The following THSD7A variants were observed in gnomAD, a reference collection of about 807,000 sequenced individuals.
THSD7A encodes the protein thrombospondin type 1 domain containing 7A.
Under a neutral mutation model 231.3 loss-of-function variants are expected in THSD7A, and 96 were observed. The ratio of observed to expected loss-of-function variants is 0.41; its 90% CI spans 0.35 to 0.49. The LOEUF is 0.49. THSD7A is among the 20% of genes least tolerant of loss of function. THSD7A has a pLI of 0.05. For missense variants in THSD7A, 2,290 were observed against 2,070.2 expected (o/e 1.11, Z -2.06); for synonymous variants, 940 against 743.3 (o/e 1.26, Z -4.30).
intron 6 of THSD7A, among the ~76,000 whole-genome samples, chr7:11,535,813 A>G (rs1788893059): frequency 6.6e-6 from 1 of 152,178 alleles, no homozygotes; most frequent in Non-Finnish European, 1.5e-5. Flanking sequence ...TTCCATAGAT[A>G]TTTGAATTGA....
chr7:11,678,535 A>T (rs1481921259), intron 1 of THSD7A, among the ~76,000 whole-genome samples: 1 of 152,192 alleles, frequency 6.6e-6, no homozygotes, highest in East Asian at 1.9e-4. Context: ...ATCCCACAGA[A>T]ATACAAACTA....
At chr7:11,767,463 G>A (rs536794644) in intron 1 of THSD7A, among the ~76,000 whole-genome samples, 1 of 152,112 alleles carries the variant, frequency 6.6e-6, no homozygotes, top group African/African-American at 2.4e-5. Flanking sequence ...TAGTCTAGAT[G>A]TATTAATTCT....
intron 1 of THSD7A, among the ~76,000 whole-genome samples, chr7:11,719,426 T>C (rs1332913992): frequency 1.3e-5 from 2 of 151,728 alleles, no homozygotes; most frequent in Non-Finnish European, 2.9e-5. Flanking sequence ...TTGAAGCTCA[T>C]TATATTTGGA....
intron 1 of THSD7A, among the ~76,000 whole-genome samples, chr7:11,772,000 A>T (rs1189910343): frequency 6.6e-6 from 1 of 152,142 alleles, no homozygotes; most frequent in Admixed American, 6.6e-5. Flanking sequence ...TCAGAAGTGA[A>T]GCAGGTGCCA....
intron 1 of THSD7A, among the ~76,000 whole-genome samples, chr7:11,696,439 C>G (rs777875502): frequency 2.6e-5 from 4 of 151,460 alleles, no homozygotes; most frequent in Admixed American, 6.6e-5. Flanking sequence ...TTTTATTTTA[C>G]TTTAAGTTCT....
Position 11,379,199 on chromosome 7 carries a change from C to A in THSD7A, c.4672G>T (p.Val1558Leu). Reference protein sequence around the residue: ...STLEQCTLIPVVVLPTMEDKR... With the variant: ...STLEQCTLIPLVVLPTMEDKR... ...TCCTCCATGGTGGGTAATACCACCA[C>A]GGGGATAAGTGTGCATTGCTCAAGG... Residue 1558 changes from valine to leucine, a missense_variant, in exon 26 of 28, where the codon GTG becomes TTG. Transcript: ENST00000423059. 1 of 1,613,506 alleles carries A rather than the reference C, an allele frequency of 6.2e-7. No individual in the cohort carries two copies. The highest frequency in any genetic ancestry group is 8.5e-7 in the Non-Finnish European group (1 of 1,179,572).
intron 1 of THSD7A, among the ~76,000 whole-genome samples, chr7:11,708,146 A>G (rs1042981036): frequency 6.6e-6 from 1 of 150,806 alleles, no homozygotes; most frequent in Non-Finnish European, 1.5e-5. Flanking sequence ...AAAGCTAGCT[A>G]AGCAAATATT....
intron 20 of THSD7A, 55 bp downstream of exon 20, chr7:11,407,250 AT>A: frequency 2.7e-6 from 4 of 1,493,716 alleles, no homozygotes; most frequent in Non-Finnish European, 3.7e-6. Flanking sequence ...CAAGAGGGAT[AT>A]TTTATTTCAT....
At chr7:11,546,202 GCT>G (rs1491332125) in intron 4 of THSD7A, among the ~76,000 whole-genome samples, 35,031 of 129,304 alleles carry the variant, frequency 0.27, 4,453 homozygotes, top group Middle Eastern at 0.39. Flanking sequence ...GTGGGCGCGC[GCT>G]CACACACACA....
chr7:11,627,496 T>G (rs1208691212), intron 2 of THSD7A, among the ~76,000 whole-genome samples: 1 of 152,104 alleles, frequency 6.6e-6, no homozygotes, highest in African/African-American at 2.4e-5. Flanking sequence ...TATTTAACAA[T>G]TTTTCATGAA....
At chr7:11,651,528 A>G (rs944058460) in intron 1 of THSD7A, among the ~76,000 whole-genome samples, 9 of 140,140 alleles carry the variant, frequency 6.4e-5, no homozygotes, top group Admixed American at 2.2e-4. Context: ...TCTATCTAGC[A>G]CTACAATGAA....
chr7:11,485,409 C>G (rs1392082699), intron 6 of THSD7A, among the ~76,000 whole-genome samples: 4 of 152,266 alleles, frequency 2.6e-5, no homozygotes, highest in African/African-American at 9.6e-5. Flanking sequence ...CACAGAGTAT[C>G]CATGGCTGAA....
chr7:11,462,701 C>A (rs577683064), intron 9 of THSD7A, among the ~76,000 whole-genome samples: 13 of 152,256 alleles, frequency 8.5e-5, no homozygotes, highest in Admixed American at 2.0e-4. Flanking sequence ...ACATTCTAAA[C>A]ATTAGGGATC....
intron 1 of THSD7A, among the ~76,000 whole-genome samples, chr7:11,745,452 T>G (rs4506092): frequency 0.24 from 37,068 of 151,902 alleles, 6,988 homozygotes; most frequent in African/African-American, 0.53. Flanking sequence ...AGTTTATTTA[T>G]ATCCCATTTG....
At chr7:11,436,175 TAGGGCTTTGTCAGGA>T (rs1784625957) in intron 13 of THSD7A, among the ~76,000 whole-genome samples, 1 of 152,020 alleles carries the variant, frequency 6.6e-6, no homozygotes, top group Non-Finnish European at 1.5e-5. Flanking sequence ...ACATTAGTAA[TAGGGCTTTGTCAGGA>T]ATACAAACAT....
chr7:11,831,846 A>AGCGGCC lies in THSD7A; in HGVS notation c.100_101insGGCCGC (p.Pro33_Leu34insArgPro), dbSNP rs1562586432. 8.0e-6 allele frequency: 10 copies of AGCGGCC among 1,244,434 alleles called. No homozygotes were observed. Among genetic ancestry groups the AGCGGCC allele is most frequent in the African/African-American group, 1.6e-5 (1 of 63,778 alleles). 77.1% of individuals were successfully genotyped at this position (1,244,434 alleles called of 1,614,324 possible). On this transcript the variant is annotated inframe_insertion, in exon 1 of 28. Coordinates refer to ENST00000423059, the MANE Select transcript of THSD7A (RefSeq NM_015204.3). The surrounding 1 kb of genome is among the most constrained non-coding windows in gnomAD (Gnocchi z 5.0). ...CGGGCGTAGCAGCAGCAGCAGGAGC[A>AGCGGCC]GCGGCAGCGGCAGCGGCAGCGGCAG...
intron 6 of THSD7A, among the ~76,000 whole-genome samples, chr7:11,520,386 G>T (rs1413390851): frequency 6.6e-6 from 1 of 151,978 alleles, no homozygotes; most frequent in Non-Finnish European, 1.5e-5. Flanking sequence ...CATAATATTG[G>T]CTTAAATAAA....
chr7:11,650,976 T>G (rs1782478559), intron 1 of THSD7A, among the ~76,000 whole-genome samples: 1 of 152,004 alleles, frequency 6.6e-6, no homozygotes, highest in African/African-American at 2.4e-5. Flanking sequence ...GCCTACAATG[T>G]GCTAGGTGCT....
intron 13 of THSD7A, among the ~76,000 whole-genome samples, chr7:11,443,583 G>A (rs1166194301): frequency 1.3e-5 from 2 of 151,956 alleles, no homozygotes; most frequent in Non-Finnish European, 2.9e-5. Context: ...ATATTATGGA[G>A]TCTTTGGAGT....
Sources: allele counts gnomAD v4.1 joint callset (sites outside exome capture counted in the v4.1 genomes callset), GRCh38; gene constraint gnomAD v4.1.1; non-coding constraint Gnocchi (gnomAD v3.1); transcripts MANE v1.5; gene names NCBI Gene and HGNC (gene_info 2026-07-23, HGNC 2026-07-21).